The following SGCZ variants were observed in gnomAD, a reference collection of about 807,000 sequenced individuals.
SGCZ encodes the protein zeta-sarcoglycan.
SGCZ carries 40 observed loss-of-function variants against 41.3 expected under a neutral mutation model. That is an observed-to-expected ratio of 0.97 (90% confidence interval 0.75 to 1.26). SGCZ has a LOEUF of 1.26. Among genes scored for constraint, SGCZ ranks in the 50% most tolerant of loss-of-function variants. SGCZ has a pLI of 0.00. For synonymous variants in SGCZ, 206 were observed against 137.5 expected, an observed-to-expected ratio of 1.50 and a Z score of -3.49; for missense variants, 552 against 369.8, an observed-to-expected ratio of 1.49 and a Z score of -4.04.
At chr8:14,736,102 C>A (rs1799020714) in intron 1 of SGCZ, among the ~76,000 whole-genome samples, 1 of 152,106 alleles carries the variant, frequency 6.6e-6, no homozygotes, top group South Asian at 2.1e-4. Context: ...GACTATCATA[C>A]TTGGTGCTTT....
At chr8:14,816,274 G>C (rs181698073) in intron 1 of SGCZ, among the ~76,000 whole-genome samples, 1 of 152,164 alleles carries the variant, frequency 6.6e-6, no homozygotes. Context: ...GCTCTTCAAC[G>C]TATTTCTGCC....
At chr8:14,564,880 C>G (rs1337869255) in intron 1 of SGCZ, among the ~76,000 whole-genome samples, 1 of 152,126 alleles carries the variant, frequency 6.6e-6, no homozygotes, top group Non-Finnish European at 1.5e-5. Context: ...ATCTATGATA[C>G]TTAATGCTCA....
intron 2 of SGCZ, among the ~76,000 whole-genome samples, chr8:14,469,098 T>C (rs1357861777): frequency 6.6e-6 from 1 of 152,050 alleles, no homozygotes; most frequent in South Asian, 2.1e-4. Flanking sequence ...ATCCAGCAAG[T>C]CACCACCACC....
intron 1 of SGCZ, among the ~76,000 whole-genome samples, chr8:14,831,479 T>A (rs1802523309): frequency 6.6e-6 from 1 of 152,142 alleles, no homozygotes; most frequent in South Asian, 2.1e-4. Context: ...TTCAAGAGAA[T>A]CTGCCATCAG....
chr8:14,730,937 G>C (rs1810218056), intron 1 of SGCZ, among the ~76,000 whole-genome samples: 1 of 151,824 alleles, frequency 6.6e-6, no homozygotes, highest in African/African-American at 2.4e-5. Flanking sequence ...GCTGTTGGCA[G>C]GAGTGTAAAT....
chr8:14,556,379 G>T (rs1014197560), intron 1 of SGCZ, among the ~76,000 whole-genome samples: 1 of 151,580 alleles, frequency 6.6e-6, no homozygotes, highest in East Asian at 1.9e-4. Flanking sequence ...TAAAATATAT[G>T]TACTATACAA....
intron 3 of SGCZ, among the ~76,000 whole-genome samples, chr8:14,253,510 C>G (rs965008623): frequency 2.0e-5 from 3 of 151,992 alleles, no homozygotes; most frequent in Non-Finnish European, 2.9e-5. Context: ...ATTCTTTTCT[C>G]TTTTTTGACT....
chr8:14,686,453 A>G (rs948473142), intron 1 of SGCZ, among the ~76,000 whole-genome samples: 1 of 152,244 alleles, frequency 6.6e-6, no homozygotes, highest in East Asian at 1.9e-4. Context: ...GATATAAGAG[A>G]TCTGAAAATA....
In SGCZ at chr8:15,058,958, T is replaced by C. The variant is rs188705494; in HGVS notation, c.39+178627A>G. Among the ~76,000 whole-genome samples, 638 of 152,302 alleles carry C rather than the reference T, an allele frequency of 4.2e-3. 2 individuals carry two copies. The highest frequency in any genetic ancestry group is 9.9e-3 in the Admixed American group (152 of 15,296). On this transcript the variant is annotated intron_variant, in intron 1 of 7. Transcript: ENST00000382080. The stretch of plus-strand genomic sequence containing the variant: ...GTGTTTTTAAAAGAAATTTATTAAG[T>C]TGAAACTTCTTTTTACATATAGCTT...
chr8:15,167,044 A>AT (rs933439573), intron 1 of SGCZ, among the ~76,000 whole-genome samples: 2 of 152,182 alleles, frequency 1.3e-5, no homozygotes, highest in South Asian at 2.1e-4. Context: ...AAGGAAACTT[A>AT]TTTTTTAACT....
chr8:14,599,613 T>C (rs1174320232), intron 1 of SGCZ, among the ~76,000 whole-genome samples: 1 of 152,180 alleles, frequency 6.6e-6, no homozygotes, highest in Non-Finnish European at 1.5e-5. Context: ...GGCTGGAAAA[T>C]GGCTTCTCAT....
At chr8:14,654,103 T>C (rs1414927923) in intron 1 of SGCZ, among the ~76,000 whole-genome samples, 2 of 151,996 alleles carry the variant, frequency 1.3e-5, no homozygotes, top group African/African-American at 4.8e-5. Flanking sequence ...ATTCAATAAC[T>C]TTTGCATATA....
intron 1 of SGCZ, among the ~76,000 whole-genome samples, chr8:14,663,598 C>T (rs1429084974): frequency 6.6e-6 from 1 of 151,976 alleles, no homozygotes; most frequent in African/African-American, 2.4e-5. Context: ...CAATGGAATG[C>T]TACTTAAATA....
At chr8:14,302,054 C>G (rs1426001145) in intron 3 of SGCZ, among the ~76,000 whole-genome samples, 1 of 152,092 alleles carries the variant, frequency 6.6e-6, no homozygotes, top group Non-Finnish European at 1.5e-5. Context: ...ACATTGTGAC[C>G]TAAAAAGTCT....
chr8:15,069,453 T>C (rs1046235216), intron 1 of SGCZ, among the ~76,000 whole-genome samples: 12 of 152,244 alleles, frequency 7.9e-5, no homozygotes, highest in South Asian at 4.1e-4. Context: ...TGAGTATACC[T>C]CAAGATTTTC....
chr8:14,534,965 G>A lies in SGCZ; in HGVS notation c.234+19767C>T, dbSNP rs186076642. The stretch of plus-strand genomic sequence containing the variant: ...AAAGTTAAATCGATAATGCAAGAAT[G>A]ACGTATCTCTTCAATAAAGTCCCTG... On this transcript the variant is annotated intron_variant, in intron 2 of 7. Transcript: ENST00000382080. 8.7e-3 allele frequency among the ~76,000 whole-genome samples: 1,328 copies of A among 152,028 alleles called. 13 individuals carry two copies. Among genetic ancestry groups the A allele is most frequent in the African/African-American group, 0.03 (1,264 of 41,516 alleles).
chr8:14,121,908 C>T (rs1380658205), intron 5 of SGCZ, among the ~76,000 whole-genome samples: 1 of 152,112 alleles, frequency 6.6e-6, no homozygotes, highest in Non-Finnish European at 1.5e-5. Flanking sequence ...TATACATGTG[C>T]ATACATTGAT....
At chr8:14,280,674 C>T (rs1055115123) in intron 3 of SGCZ, among the ~76,000 whole-genome samples, 5 of 151,796 alleles carry the variant, frequency 3.3e-5, no homozygotes, top group African/African-American at 1.2e-4. Context: ...ATTACTATTG[C>T]TTATCTTGTG....
chr8:14,483,453 C>T (rs562054071), intron 2 of SGCZ, among the ~76,000 whole-genome samples: 14 of 152,140 alleles, frequency 9.2e-5, no homozygotes, highest in Non-Finnish European at 1.8e-4. Context: ...TGCCTGTGGT[C>T]CCAGCTACTT....
Sources: allele counts gnomAD v4.1 joint callset (sites outside exome capture counted in the v4.1 genomes callset), GRCh38; gene constraint gnomAD v4.1.1; transcripts MANE v1.5; gene names NCBI Gene and HGNC (gene_info 2026-07-23, HGNC 2026-07-21).